SACS: variants seen among roughly 807,000 people sequenced by gnomAD.
The protein encoded by SACS is sacsin.
In SACS, 197 loss-of-function variants were observed where a neutral mutation model predicts 348.0. The ratio of observed to expected loss-of-function variants is 0.57; its 90% CI spans 0.50 to 0.64. The LOEUF (loss-of-function observed/expected upper bound fraction) is 0.64. Ranked by LOEUF, SACS falls within the 30% of genes least tolerant of loss-of-function variation. The pLI is 0.00. For synonymous variants in SACS, 1,985 were observed against 1,910.6 expected, an observed-to-expected ratio of 1.04 and a Z score of -1.02; for missense variants, 4,999 against 5,360.8, an observed-to-expected ratio of 0.93 and a Z score of 2.11.
rs114473305 is a variant in SACS, at chr13:23,415,426, C to T, written c.-501-3686G>A. On this transcript the variant is annotated intron_variant, in intron 1 of 9. Transcript: ENST00000382292. ...TTGTTCCTTTCCTGGAAACTTAGAA[C>T]GTTTACACATGTTCATCTCCCTGGA... 5.6e-3 allele frequency among the ~76,000 whole-genome samples: 855 copies of T among 152,230 alleles called. 11 individuals are homozygous for T. The highest frequency in any genetic ancestry group is 0.019 in the African/African-American group (798 of 41,522).
chr13:23,364,249 AGAAGGTCT>A (rs1870925296), intron 6 of SACS, among the ~76,000 whole-genome samples: 1 of 152,234 alleles, frequency 6.6e-6, no homozygotes, highest in Non-Finnish European at 1.5e-5. Context: ...AAGGTGTCTC[AGAAGGTCT>A]GACTTGATCC....
In SACS at chr13:23,340,563, G is replaced by T. The variant is rs776476215; in HGVS notation, c.3313C>A (p.Gln1105Lys). The T allele has an allele frequency of 6.2e-7, 1 of 1,612,730 alleles. No homozygotes were observed. The highest frequency in any genetic ancestry group is 8.5e-7 in the Non-Finnish European group (1 of 1,179,668). ...EASLKEKDVV[Q>K]VAKKIEALQV... ...AAGGCTTCAATTTTTTTTGCCACTT[G>T]CACAACATCCTTTTCTTTGAGACTG... is the stretch of plus-strand genomic sequence containing the variant. The change falls in exon 10 of 10, where the codon CAA (glutamine) becomes AAA (lysine). Residue 1105 changes from glutamine (Q) to lysine (K), a missense_variant. Gln to Lys is a moderately conservative substitution (Grantham distance 53). Around this residue, in one of 6 missense-constraint regions of SACS, gnomAD observed 3,156 missense variants for 3,380.1 expected, o/e 0.93. Transcript: ENST00000382292.
rs1335149055 is a variant in SACS at position 23,329,192 on chromosome 13, A to G, written c.*944T>C. 9 of 443,114 alleles carry G rather than the reference A, an allele frequency of 2.0e-5. No homozygotes were observed. The highest frequency in any genetic ancestry group is 3.5e-5 in the Non-Finnish European group (9 of 255,290). The allele number at this position is 443,114 out of a possible 1,614,324, so 27.4% of individuals were successfully genotyped here. A position where few individuals can be genotyped will look rare whatever the true frequency, so the allele number is the denominator to read the frequency against. On this transcript the variant is annotated 3_prime_UTR_variant, in exon 10 of 10. Transcript: ENST00000382292. ...TACTAGATAACACAATGATTTTAAC[A>G]ATTTTTGATGTTTTTAAAGTTAAAA...
chr13:23,334,401 G>A lies in SACS; in HGVS notation c.9475C>T (p.Leu3159=). ...TCAAAAGTTTGCAAAACACTGTCCA[G>A]TGTGATGAGAAGGGGCAATCCCTCA... ...EVEGLPLLIT[L]DSVLQTFDAK... is the part of the protein sequence containing the mutation. Residue 3159 remains leucine, a synonymous_variant, in exon 10 of 10, where the codon CTG becomes TTG. Transcript: ENST00000382292. 6.2e-7 allele frequency: 1 copy of A among 1,613,256 alleles called. No individual in the cohort carries two copies. Among genetic ancestry groups the A allele is most frequent in the Non-Finnish European group, 8.5e-7 (1 of 1,179,766 alleles).
At chr13:23,406,006 T>A (rs1410748592) in intron 2 of SACS, among the ~76,000 whole-genome samples, 1 of 152,162 alleles carries the variant, frequency 6.6e-6, no homozygotes, top group East Asian at 1.9e-4. Flanking sequence ...AGAAATACCA[T>A]TTGACCCAGC....
intron 2 of SACS, among the ~76,000 whole-genome samples, chr13:23,378,016 A>C (rs553037551): frequency 6.6e-6 from 1 of 152,282 alleles, no homozygotes; most frequent in East Asian, 1.9e-4. Context: ...CTTCGCTTTT[A>C]TTTTTAGCGA....
intron 1 of SACS, chr13:23,428,043 C>T (rs1593186850): frequency 6.6e-6 from 1 of 152,318 alleles, no homozygotes; most frequent in African/African-American, 2.4e-5. Flanking sequence ...TCTGCAGCTG[C>T]ACCTGGCAGA....
intron 2 of SACS, among the ~76,000 whole-genome samples, chr13:23,400,338 TC>T (rs766484840): frequency 2.6e-5 from 4 of 152,226 alleles, no homozygotes; most frequent in Non-Finnish European, 5.9e-5. Context: ...ATGGCATGAC[TC>T]CCTAGACCCC....
At chr13:23,409,066 T>TTTTTTTTTTTTTTTTG in intron 2 of SACS, among the ~76,000 whole-genome samples, 1 of 50,046 alleles carries the variant, frequency 2.0e-5, no homozygotes. Context: ...TTTTTTTTTT[T>TTTTTTTTTTTTTTTTG]TTTTGAGACG....
intron 1 of SACS, among the ~76,000 whole-genome samples, chr13:23,426,033 A>C (rs1481099471): frequency 6.6e-6 from 1 of 152,152 alleles, no homozygotes; most frequent in Non-Finnish European, 1.5e-5. Context: ...TTGGTAGGGA[A>C]TTGTGAATTT....
chr13:23,430,634 C>G (rs1874398080), intron 1 of SACS, among the ~76,000 whole-genome samples: 2 of 152,070 alleles, frequency 1.3e-5, no homozygotes, highest in Admixed American at 1.3e-4. Context: ...CTTTCTAGCA[C>G]TTAGTACTTT....
intron 2 of SACS, among the ~76,000 whole-genome samples, chr13:23,400,303 C>A (rs1441908575): frequency 6.6e-6 from 1 of 152,184 alleles, no homozygotes; most frequent in Non-Finnish European, 1.5e-5. Flanking sequence ...AAATATAACC[C>A]ATCTGATTAG....
intron 2 of SACS, among the ~76,000 whole-genome samples, chr13:23,379,312 A>C (rs989091460): frequency 1.3e-4 from 20 of 152,280 alleles, no homozygotes; most frequent in African/African-American, 4.8e-4. Flanking sequence ...TGAAGCACCT[A>C]CTCAGTGCCA....
rs61421223 is a variant in SACS, at chr13:23,371,046, G to A, written c.259+32C>T. On this transcript the variant is annotated intron_variant, in intron 4 of 9. Coordinates refer to ENST00000382292, the MANE Select transcript of SACS (RefSeq NM_014363.6). ...ACTCAATCTTTGTGCAACCCAACAT[G>A]GTATATACTTCTGGTAAAGTCAATA... 12,889 of 1,339,764 alleles carry A rather than the reference G, an allele frequency of 9.6e-3. 1,020 individuals are homozygous for A. In the African/African-American group the frequency reaches 0.17, roughly 17 times the overall value. The allele number at this position is 1,339,764 out of a possible 1,614,324, so 83.0% of individuals were successfully genotyped here.
At position 23,411,030 on chromosome 13, in the gene SACS, A is replaced by C. The variant is rs114384992; in HGVS notation, c.20+190T>G. Reference sequence around the variant, plus strand: ...CAAAACTATCTGGGCAAAGTCAAAGAAATTATTTTTAACCCTTGGCTTGAA... The same window carrying C: ...CAAAACTATCTGGGCAAAGTCAAAGCAATTATTTTTAACCCTTGGCTTGAA... On this transcript the variant is annotated intron_variant, in intron 2 of 9. Transcript: ENST00000382292. Among the ~76,000 whole-genome samples, 1,681 of 152,314 alleles carry C rather than the reference A, an allele frequency of 0.011. 30 individuals carry two copies. Among genetic ancestry groups the C allele is most frequent in the African/African-American group, 0.038 (1,596 of 41,560 alleles).
rs1477679960 is a variant in SACS, at chr13:23,339,436, T to A, written c.4440A>T (p.Glu1480Asp). 6.2e-7 allele frequency: 1 copy of A among 1,604,536 alleles called. No individual in the cohort carries two copies. The highest frequency in any genetic ancestry group is 2.2e-5 in the East Asian group (1 of 44,804). The change falls in exon 10 of 10, where the codon GAA (glutamate) becomes GAT (aspartate). Residue 1480 changes from glutamate (E) to aspartate (D), a missense_variant. Physicochemically the swap from Glu to Asp is conservative, Grantham distance 45. Around this residue, in one of 6 missense-constraint regions of SACS, gnomAD observed 3,156 missense variants for 3,380.1 expected, o/e 0.93. Coordinates refer to ENST00000382292, the MANE Select transcript of SACS (RefSeq NM_014363.6). The part of the protein sequence containing the change: ...EYPSVSDIFK[E>D]LLQNADDANA... ...TTGCATCATCAGCGTTTTGAAGTAG[T>A]TCTTTAAAAATATCTGACACTGAAG...
chr13:23,339,791 A>G lies in SACS; in HGVS notation c.4085T>C (p.Ile1362Thr). ...SKQNLHLMLN[I>T]IRWLYSNQIP... ...CTGATTGCTATACAGCCATCTGATAATATTCAACATAAGATGAAGATTTTG... is the reference window on the plus strand; with the variant it reads ...CTGATTGCTATACAGCCATCTGATAGTATTCAACATAAGATGAAGATTTTG... The change falls in exon 10 of 10, where the codon ATT becomes ACT. Residue 1362 changes from isoleucine to threonine, a missense_variant. Transcript: ENST00000382292. The G allele has an allele frequency of 6.2e-7, 1 of 1,613,748 alleles. No homozygotes were observed. The highest frequency in any genetic ancestry group is 1.1e-5 in the South Asian group (1 of 91,012).
chr13:23,383,577 G>A (rs183333330), intron 2 of SACS, among the ~76,000 whole-genome samples: 1 of 152,028 alleles, frequency 6.6e-6, no homozygotes, highest in East Asian at 1.9e-4. Flanking sequence ...ACCTTTCTCA[G>A]CCCATTCTGT....
chr13:23,433,666 T>G lies in SACS; in HGVS notation c.-553A>C, dbSNP rs570875312. On this transcript the variant is annotated 5_prime_UTR_variant, in exon 1 of 10. It removes an upstream start codon present in the reference 5' UTR. Transcript: ENST00000382292. The stretch of plus-strand genomic sequence containing the variant: ...CGGCCTTTGTTTTCCTCCAGTGCCA[T>G]CAGCAGTTCCCAGCGTGACTGTCCC... The G allele has an allele frequency of 2.0e-5, 3 of 152,472 alleles. No individual in the cohort carries two copies. The East Asian group carries it at 5.8e-4, about 29-fold the overall frequency. The allele number at this position is 152,472 out of a possible 1,614,324, so 9.4% of individuals were successfully genotyped here. A position where few individuals can be genotyped will look rare whatever the true frequency, so the allele number is the denominator to read the frequency against.
Sources: gnomAD v4.1 joint callset for allele counts (sites outside exome capture counted in the v4.1 genomes callset) on GRCh38, gnomAD v4.1.1 for gene constraint, gnomAD v4.1.1 regional missense constraint, MANE v1.5 for transcripts, NCBI Gene and HGNC (gene_info 2026-07-23, HGNC 2026-07-21) for gene names.